Variants in EFCAB13 observed in about 807,000 individuals in gnomAD.
The protein encoded by EFCAB13 is EF-hand calcium-binding domain-containing protein 13.
A neutral mutation model predicts 110.2 loss-of-function variants in EFCAB13; 91 were observed. The observed-to-expected ratio is 0.83, with a 90% CI of 0.70 to 0.98. The LOEUF (loss-of-function observed/expected upper bound fraction) is 0.98. Ranked by LOEUF, EFCAB13 falls within the 50% of genes least tolerant of loss-of-function variation. The pLI is 0.00. For synonymous variants in EFCAB13, 323 were observed against 369.9 expected, an observed-to-expected ratio of 0.87 and a Z score of 1.45; for missense variants, 968 against 1,119.4, an observed-to-expected ratio of 0.86 and a Z score of 1.93.
rs372198611 is a variant in EFCAB13 at position 47,404,625 on chromosome 17, A to G, written c.2225A>G (p.Asn742Ser). 5.6e-6 allele frequency: 9 copies of G among 1,610,660 alleles called. No individual in the cohort carries two copies. Among genetic ancestry groups the G allele is most frequent in the South Asian group, 1.1e-5 (1 of 90,964 alleles). ...RALRDTQKFS[N>S]YIDFRKEASN... ...TTGAGGGACACCCAGAAATTTTCCAATTATATTGGTAAGAGCTTTATGGTA... is the reference window on the plus strand; with the variant it reads ...TTGAGGGACACCCAGAAATTTTCCAGTTATATTGGTAAGAGCTTTATGGTA... The change falls in exon 20 of 25, where the codon AAT becomes AGT. Residue 742 changes from asparagine (N) to serine (S), a missense_variant. Coordinates refer to ENST00000331493, the MANE Select transcript of EFCAB13 (RefSeq NM_152347.5).
chr17:47,404,503 C>A, intron 19 of EFCAB13, 59 bp from the exon 20 acceptor site: 1 of 1,271,420 alleles, frequency 7.9e-7, no homozygotes, highest in Non-Finnish European at 1.1e-6. Context: ...TTGATACTAG[C>A]CTTTAAGTAT....
chr17:47,419,419 C>CA (rs1433338873), intron 23 of EFCAB13, among the ~76,000 whole-genome samples: 1 of 151,944 alleles, frequency 6.6e-6, no homozygotes, highest in Non-Finnish European at 1.5e-5. Context: ...CCTGTCCCTA[C>CA]AAAAAATTTA....
At chr17:47,350,585 TTG>T (rs1006786816) in intron 9 of EFCAB13, among the ~76,000 whole-genome samples, 11 of 150,572 alleles carry the variant, frequency 7.3e-5, no homozygotes, top group East Asian at 2.0e-4. Flanking sequence ...ACGCCTTTGT[TTG>T]TGTGTGTGTG....
At chr17:47,349,041 A>G (rs1181839325) in intron 9 of EFCAB13, among the ~76,000 whole-genome samples, 1 of 152,162 alleles carries the variant, frequency 6.6e-6, no homozygotes, top group Non-Finnish European at 1.5e-5. Flanking sequence ...ATTTGGACAG[A>G]TGTTTCACTG....
At chr17:47,400,790 G>C (rs1355129963) in intron 17 of EFCAB13, among the ~76,000 whole-genome samples, 1 of 151,996 alleles carries the variant, frequency 6.6e-6, no homozygotes, top group Non-Finnish European at 1.5e-5. Context: ...ACTCCATTTA[G>C]GTGACTGAAT....
intron 24 of EFCAB13, 118 bp from the exon 25 acceptor site, chr17:47,440,313 C>A: frequency 2.0e-6 from 2 of 1,008,158 alleles, no homozygotes; most frequent in South Asian, 2.1e-5. Flanking sequence ...GAAGAAATAG[C>A]CCAGCCTTAC....
chr17:47,360,395 C>A (rs1272447393), intron 9 of EFCAB13, among the ~76,000 whole-genome samples: 1 of 152,108 alleles, frequency 6.6e-6, no homozygotes, highest in Non-Finnish European at 1.5e-5. Context: ...AGCATTTTTT[C>A]ATGTGTCTTT....
intron 15 of EFCAB13, 47 bp from the exon 16 acceptor site, chr17:47,393,975 CATA>C (rs772106136): frequency 7.8e-6 from 8 of 1,028,192 alleles, no homozygotes; most frequent in Admixed American, 7.4e-5. Flanking sequence ...CAATATTTTT[CATA>C]ATAATACTTA....
intron 24 of EFCAB13, among the ~76,000 whole-genome samples, chr17:47,437,130 GA>G (rs1339608599): frequency 1.3e-5 from 2 of 152,052 alleles, no homozygotes; most frequent in Non-Finnish European, 2.9e-5. Flanking sequence ...GAGAGTGCTT[GA>G]TATAATTTCA....
intron 10 of EFCAB13, among the ~76,000 whole-genome samples, chr17:47,365,437 A>G (rs185760021): frequency 2.0e-5 from 3 of 152,214 alleles, no homozygotes; most frequent in Admixed American, 6.5e-5. Flanking sequence ...GAGAGTTAAA[A>G]CATACTGAGA....
intron 14 of EFCAB13, among the ~76,000 whole-genome samples, chr17:47,381,693 C>T (rs2065647939): frequency 6.6e-6 from 1 of 152,120 alleles, no homozygotes; most frequent in Non-Finnish European, 1.5e-5. Flanking sequence ...GACCTCTGTT[C>T]TGTTCCATGG....
chr17:47,409,952 C>T (rs1441663503), intron 21 of EFCAB13, among the ~76,000 whole-genome samples: 2 of 152,134 alleles, frequency 1.3e-5, no homozygotes, highest in Non-Finnish European at 2.9e-5. Flanking sequence ...TTCTGTACTT[C>T]AACTAAATTG....
At chr17:47,413,729 A>G (rs1349227855) in intron 22 of EFCAB13, among the ~76,000 whole-genome samples, 1 of 150,812 alleles carries the variant, frequency 6.6e-6, no homozygotes, top group East Asian at 2.0e-4. Flanking sequence ...TTCTCACAAG[A>G]GATTTTTTTT....
intron 14 of EFCAB13, among the ~76,000 whole-genome samples, chr17:47,386,677 G>T (rs1056124232): frequency 6.6e-6 from 1 of 151,952 alleles, no homozygotes; most frequent in Non-Finnish European, 1.5e-5. Context: ...TGCCTCTGGG[G>T]TACAAAAAAA....
intron 23 of EFCAB13, among the ~76,000 whole-genome samples, chr17:47,425,150 G>A (rs1878342651): frequency 6.6e-6 from 1 of 151,684 alleles, no homozygotes; most frequent in Non-Finnish European, 1.5e-5. Context: ...CCAAAGTGCT[G>A]GGATTACAGG....
chr17:47,393,902 G>A, intron 15 of EFCAB13, 123 bp from the exon 16 acceptor site: 1 of 454,868 alleles, frequency 2.2e-6, no homozygotes, highest in South Asian at 4.6e-5. Flanking sequence ...TATTTTTATT[G>A]GTTAGTATTA....
intron 14 of EFCAB13, among the ~76,000 whole-genome samples, chr17:47,382,162 G>A (rs1054510835): frequency 7.9e-5 from 12 of 152,014 alleles, no homozygotes; most frequent in South Asian, 4.1e-4. Flanking sequence ...CTGCCTGCCC[G>A]TTTTCGATGT....
At chr17:47,418,616 TTC>T (rs1904529641) in intron 23 of EFCAB13, among the ~76,000 whole-genome samples, 1 of 152,260 alleles carries the variant, frequency 6.6e-6, no homozygotes, top group Non-Finnish European at 1.5e-5. Flanking sequence ...ATTTTGTTGC[TTC>T]TTTGATGTCA....
chr17:47,324,279 T>C (rs1045602948), intron 1 of EFCAB13, among the ~76,000 whole-genome samples, 175 bp from the exon 2 acceptor site: 4 of 151,926 alleles, frequency 2.6e-5, no homozygotes, highest in East Asian at 1.9e-4. Flanking sequence ...GAAGGGTGAC[T>C]GAGACTGATC....
Sources: gnomAD v4.1 joint callset for allele counts (sites outside exome capture counted in the v4.1 genomes callset) on GRCh38, gnomAD v4.1.1 for gene constraint, MANE v1.5 for transcripts, NCBI Gene and HGNC (gene_info 2026-07-23, HGNC 2026-07-21) for gene names.